Variants in FAM81B observed in about 807,000 individuals in gnomAD.
FAM81B encodes family with sequence similarity 81 member B, also known as protein FAM81B.
FAM81B carries 60 observed loss-of-function variants against 58.7 expected under a neutral mutation model. The ratio of observed to expected loss-of-function variants is 1.02; its 90% confidence interval spans 0.83 to 1.27. The LOEUF is 1.27. Among genes scored for constraint, FAM81B ranks in the 50% most tolerant of loss-of-function variants. The pLI is 0.00. For missense variants in FAM81B, 491 were observed against 522.0 expected, an observed-to-expected ratio of 0.94 and a Z score of 0.58; for synonymous variants, 189 against 179.6, an observed-to-expected ratio of 1.05 and a Z score of -0.42.
intron 5 of FAM81B, among the ~76,000 whole-genome samples, chr5:95,421,883 T>C (rs934771102): frequency 4.6e-5 from 7 of 152,190 alleles, no homozygotes; most frequent in African/African-American, 1.4e-4. Flanking sequence ...GTGACCAAAG[T>C]TTCTGGGCTT....
chr5:95,404,079 A>G (rs1407035021), intron 3 of FAM81B, among the ~76,000 whole-genome samples: 1 of 152,188 alleles, frequency 6.6e-6, no homozygotes, highest in African/African-American at 2.4e-5. Flanking sequence ...AAACCGGGAG[A>G]CCAAATACCT....
intron 5 of FAM81B, among the ~76,000 whole-genome samples, chr5:95,426,712 CCTTT>C (rs1762840458): frequency 6.6e-6 from 1 of 152,158 alleles, no homozygotes; most frequent in African/African-American, 2.4e-5. Flanking sequence ...CATCATTTCC[CCTTT>C]TTTTCAGATG....
Position 95,414,019 on chromosome 5 carries a change from G to A in FAM81B, c.366G>A (p.Ala122=), listed in dbSNP as rs7726891. The A allele has an allele frequency of 0.27, 443,541 of 1,613,562 alleles. 63,483 individuals carry two copies. The highest frequency in any genetic ancestry group is 0.31 in the Middle Eastern group (1,908 of 6,062). ...GQLEDRLNNQ[A]RTIAFLLEQA... ...TAGAAGACAGACTGAACAACCAGGC[G>A]CGTACCATAGCTTTCCTTCTTGAAC... Residue 122 remains alanine (A), a synonymous_variant, in exon 4 of 10, where the codon GCG becomes GCA. Coordinates refer to ENST00000283357, the MANE Select transcript of FAM81B (RefSeq NM_152548.3).
At chr5:95,408,718 C>T (rs1426123211) in intron 3 of FAM81B, among the ~76,000 whole-genome samples, 4 of 152,202 alleles carry the variant, frequency 2.6e-5, no homozygotes, top group African/African-American at 9.7e-5. Flanking sequence ...TTAATAGACC[C>T]TCCATGGTGT....
intron 3 of FAM81B, among the ~76,000 whole-genome samples, chr5:95,408,501 T>C (rs1365821050): frequency 6.6e-6 from 1 of 152,178 alleles, no homozygotes; most frequent in Non-Finnish European, 1.5e-5. Context: ...TTTGTTAGAA[T>C]AGTGGGTAAA....
intron 4 of FAM81B, among the ~76,000 whole-genome samples, chr5:95,418,092 C>T (rs1762582867): frequency 6.6e-6 from 1 of 152,148 alleles, no homozygotes; most frequent in Non-Finnish European, 1.5e-5. Flanking sequence ...CAATCGTGTG[C>T]TGTTCTGAGT....
intron 1 of FAM81B, 105 bp from the exon 2 acceptor site, chr5:95,392,689 C>A: frequency 1.2e-6 from 1 of 851,540 alleles, no homozygotes; most frequent in Admixed American, 2.9e-5. Flanking sequence ...CCCTTTAAGC[C>A]AAGCTATATG....
intron 6 of FAM81B, among the ~76,000 whole-genome samples, chr5:95,430,784 T>C (rs1431477598): frequency 2.0e-5 from 3 of 152,080 alleles, no homozygotes; most frequent in Admixed American, 1.3e-4. Context: ...AATTGCTTTC[T>C]ATATGGCTTT....
chr5:95,438,591 G>A (rs1307483680), intron 7 of FAM81B, among the ~76,000 whole-genome samples: 1 of 152,026 alleles, frequency 6.6e-6, no homozygotes, highest in Non-Finnish European at 1.5e-5. Context: ...TTTTATAACA[G>A]TGTAAACTTG....
chr5:95,399,480 G>GCCCC (rs112271049), intron 3 of FAM81B, among the ~76,000 whole-genome samples: 3 of 149,904 alleles, frequency 2.0e-5, no homozygotes, highest in African/African-American at 4.9e-5. Context: ...TTCTTTTCAT[G>GCCCC]CCCCCCCCCA....
intron 6 of FAM81B, among the ~76,000 whole-genome samples, chr5:95,431,023 A>G (rs569528369): frequency 6.6e-5 from 10 of 151,978 alleles, no homozygotes; most frequent in Non-Finnish European, 1.5e-4. Flanking sequence ...TCTTTTGCCT[A>G]TTTCTCTACT....
intron 5 of FAM81B, among the ~76,000 whole-genome samples, chr5:95,425,276 A>G (rs1203953975): frequency 6.6e-6 from 1 of 152,144 alleles, no homozygotes. Context: ...AAAAAATGAT[A>G]TAAGAACAAT....
At chr5:95,444,628 A>T (rs1387985121) in intron 7 of FAM81B, among the ~76,000 whole-genome samples, 1 of 152,108 alleles carries the variant, frequency 6.6e-6, no homozygotes, top group East Asian at 1.9e-4. Context: ...ACGAATAGAA[A>T]CCAACTCCAT....
intron 5 of FAM81B, among the ~76,000 whole-genome samples, chr5:95,426,713 CT>C (rs34286196): frequency 6.6e-6 from 1 of 152,148 alleles, no homozygotes; most frequent in Non-Finnish European, 1.5e-5. Flanking sequence ...ATCATTTCCC[CT>C]TTTTTTCAGA....
intron 9 of FAM81B, 172 bp downstream of exon 9, chr5:95,448,636 A>G (rs1418150564): frequency 1.5e-6 from 1 of 670,276 alleles, no homozygotes; most frequent in Non-Finnish European, 2.5e-6. Flanking sequence ...ACTGGAAGGC[A>G]TATAAATAAA....
chr5:95,413,425 A>T (rs984437953), intron 3 of FAM81B, among the ~76,000 whole-genome samples: 1 of 152,152 alleles, frequency 6.6e-6, no homozygotes, highest in South Asian at 2.1e-4. Context: ...CTTAACTATG[A>T]AATTAGAATA....
At chr5:95,413,164 A>G (rs1275496651) in intron 3 of FAM81B, among the ~76,000 whole-genome samples, 1 of 152,192 alleles carries the variant, frequency 6.6e-6, no homozygotes, top group Non-Finnish European at 1.5e-5. Flanking sequence ...GACATTTGTT[A>G]TATTTTTCAC....
At chr5:95,395,163 G>A (rs541015151) in intron 2 of FAM81B, among the ~76,000 whole-genome samples, 1 of 152,092 alleles carries the variant, frequency 6.6e-6, no homozygotes, top group South Asian at 2.1e-4. Context: ...TTTTCGGCTG[G>A]GCGCTGTGGC....
At chr5:95,408,518 A>G (rs1762325165) in intron 3 of FAM81B, among the ~76,000 whole-genome samples, 1 of 152,232 alleles carries the variant, frequency 6.6e-6, no homozygotes, top group Admixed American at 6.5e-5. Flanking sequence ...TAAATTGAGC[A>G]GGAAGCACAT....
Sources: allele counts gnomAD v4.1 joint callset (sites outside exome capture counted in the v4.1 genomes callset), GRCh38; gene constraint gnomAD v4.1.1; transcripts MANE v1.5; gene names NCBI Gene and HGNC (gene_info 2026-07-23, HGNC 2026-07-21).